Variants in UBE4A observed in about 807,000 individuals in gnomAD.
UBE4A encodes the protein ubiquitination factor E4A, also known as ubiquitin conjugation factor E4 A.
Under a neutral mutation model 117.9 loss-of-function variants are expected in UBE4A, and 48 were observed. The observed-to-expected ratio is 0.41, with a 90% CI of 0.32 to 0.52. UBE4A has a LOEUF of 0.52. Among genes scored for constraint, UBE4A ranks in the 20% least tolerant of loss-of-function variants. The probability of loss-of-function intolerance (pLI) is 0.33; values close to 1 mark genes in which losing one functional copy is unlikely to be tolerated. For synonymous variants in UBE4A, 407 were observed against 450.0 expected (o/e 0.90, Z 1.21); for missense variants, 1,067 against 1,296.3 (o/e 0.82, Z 2.72).
intron 10 of UBE4A, chr11:118,379,091 G>C (rs1173220336): frequency 3.8e-6 from 1 of 260,292 alleles, no homozygotes; most frequent in Admixed American, 5.0e-5. Context: ...CATTGCCCTT[G>C]TGTGATGTAA....
chr11:118,384,817 G>T lies in UBE4A; in HGVS notation c.2299-15G>T, dbSNP rs782513772. The T allele has an allele frequency of 9.3e-6, 15 of 1,612,592 alleles. No individual in the cohort carries two copies. In the African/African-American group the frequency reaches 1.9e-4, roughly 20 times the overall value. On this transcript the variant is annotated splice_polypyrimidine_tract_variant and intron_variant, in intron 14 of 19. Coordinates refer to ENST00000252108, the MANE Select transcript of UBE4A (RefSeq NM_001204077.2). Reference sequence around the variant, plus strand: ...TCAGTACTAAAATGGTTTTCTTGTGGGCTGGGACTTACAGGATTTGGCTGA... The same window carrying T: ...TCAGTACTAAAATGGTTTTCTTGTGTGCTGGGACTTACAGGATTTGGCTGA...
intron 2 of UBE4A, among the ~76,000 whole-genome samples, chr11:118,365,990 C>T (rs1367201286): frequency 6.6e-6 from 1 of 151,678 alleles, no homozygotes; most frequent in African/African-American, 2.4e-5. Flanking sequence ...CTCCTCTCTC[C>T]GAAAAGAATA....
At chr11:118,382,917 TGC>T in intron 13 of UBE4A, 141 bp downstream of exon 13, 1 of 704,330 alleles carries the variant, frequency 1.4e-6, no homozygotes, top group Non-Finnish European at 2.0e-6. Context: ...TGATGATAAG[TGC>T]TTTTTTTTTT....
At chr11:118,386,710 G>A in intron 16 of UBE4A, 98 bp downstream of exon 16, 1 of 1,305,974 alleles carries the variant, frequency 7.7e-7, no homozygotes, top group African/African-American at 1.5e-5. Context: ...TTCAGACCCT[G>A]GTGACAGTAT....
At chr11:118,377,622 T>C (rs1555125574) in intron 10 of UBE4A, among the ~76,000 whole-genome samples, 1 of 151,708 alleles carries the variant, frequency 6.6e-6, no homozygotes, top group African/African-American at 2.4e-5. Flanking sequence ...TCTTAAATTT[T>C]CATTACTGGC....
At chr11:118,389,300 T>C (rs782604269) in intron 16 of UBE4A, among the ~76,000 whole-genome samples, 2 of 152,246 alleles carry the variant, frequency 1.3e-5, no homozygotes, top group Non-Finnish European at 2.9e-5. Context: ...GGCCAGTGGC[T>C]ACTATGTTGG....
intron 16 of UBE4A, among the ~76,000 whole-genome samples, chr11:118,389,202 G>A (rs1948788555): frequency 1.3e-5 from 2 of 152,100 alleles, no homozygotes; most frequent in African/African-American, 4.8e-5. Flanking sequence ...TATAAATCTG[G>A]GCTGTCCAGA....
Position 118,375,057 on chromosome 11 carries a change from C to T in UBE4A, c.1278C>T (p.Phe426=). 1 of 1,614,126 alleles carries T rather than the reference C, an allele frequency of 6.2e-7. No homozygotes were observed. Among genetic ancestry groups the T allele is most frequent in the Non-Finnish European group, 8.5e-7 (1 of 1,180,018 alleles). Residue 426 remains phenylalanine (F), a synonymous_variant, in exon 9 of 20, where the codon TTC becomes TTT. Coordinates refer to ENST00000252108, the MANE Select transcript of UBE4A (RefSeq NM_001204077.2). The stretch of plus-strand genomic sequence containing the variant: ...CCAATCAGATGCCAGAAATCTTTTT[C>T]CAAATGTATGCCTCAGATGCTTTCT... ...IWANQMPEIF[F]QMYASDAFFL...
rs539253363 is a variant in UBE4A at position 118,398,701 on chromosome 11, CTT to C, written c.*2264_*2265del. 1.9e-4 allele frequency: 30 copies of C among 155,200 alleles called. No homozygotes were observed. The East Asian group carries it at 3.0e-3, about 16-fold the overall frequency. The allele number at this position is 155,200 out of a possible 1,614,324, so 9.6% of individuals were successfully genotyped here. On this transcript the variant is annotated 3_prime_UTR_variant, in exon 20 of 20. Coordinates refer to ENST00000252108, the MANE Select transcript of UBE4A (RefSeq NM_001204077.2). ...GGAGTATGATAGCAAAATGAAGACTCTTTTACTCAGCTCTGGTATTGCTCATA... is the reference window on the plus strand; with the variant it reads ...GGAGTATGATAGCAAAATGAAGACTCTTACTCAGCTCTGGTATTGCTCATA...
chr11:118,388,691 C>T (rs1269434985), intron 16 of UBE4A, among the ~76,000 whole-genome samples: 1 of 149,690 alleles, frequency 6.7e-6, no homozygotes, highest in Non-Finnish European at 1.5e-5. Context: ...GATGTATCCA[C>T]AATGAAGTTC....
intron 19 of UBE4A, among the ~76,000 whole-genome samples, chr11:118,395,286 G>A (rs1195309175): frequency 2.0e-5 from 3 of 148,796 alleles, no homozygotes; most frequent in Non-Finnish European, 3.0e-5. Context: ...CCAAGATCAC[G>A]CCACTGCAAC....
At chr11:118,383,720 A>G (rs1363723277) in intron 13 of UBE4A, among the ~76,000 whole-genome samples, 1 of 151,966 alleles carries the variant, frequency 6.6e-6, no homozygotes. Flanking sequence ...GTTGAAGACC[A>G]TTTTTTAAAG....
intron 19 of UBE4A, among the ~76,000 whole-genome samples, chr11:118,393,654 G>A (rs1036893105): frequency 1.3e-5 from 2 of 151,880 alleles, no homozygotes; most frequent in Non-Finnish European, 2.9e-5. Flanking sequence ...AGAGTGCAGT[G>A]GCGCGATCTC....
At position 118,392,858 on chromosome 11, in the gene UBE4A, A is replaced by G; in HGVS notation, c.3037A>G (p.Thr1013Ala). 6.2e-7 allele frequency: 1 copy of G among 1,614,104 alleles called. No individual in the cohort carries two copies. Among genetic ancestry groups the G allele is most frequent in the Non-Finnish European group, 8.5e-7 (1 of 1,180,008 alleles). The change falls in exon 19 of 20, where the codon ACT (threonine) becomes GCT (alanine). Residue 1013 changes from threonine (T) to alanine (A), a missense_variant. Physicochemically the swap from Thr to Ala is moderately conservative, Grantham distance 58 (BLOSUM62 0). Around this residue, in one of 3 missense-constraint regions of UBE4A, gnomAD observed 34 missense variants for 77.7 expected, o/e 0.44. Coordinates refer to ENST00000252108, the MANE Select transcript of UBE4A (RefSeq NM_001204077.2). ...TGTGGTGCTGCCATCTTCCAGAGTC[A>G]CTGTGGATAGATCCACCATTGCAAG... is the stretch of plus-strand genomic sequence containing the variant. ...DPVVLPSSRV[T>A]VDRSTIARHL...
At chr11:118,392,414 A>G (rs1948827671) in intron 18 of UBE4A, among the ~76,000 whole-genome samples, 1 of 152,208 alleles carries the variant, frequency 6.6e-6, no homozygotes, top group Admixed American at 6.5e-5. Flanking sequence ...CTTTTGAATT[A>G]TGGCATTTAC....
chr11:118,373,185 A>C lies in UBE4A; in HGVS notation c.821A>C (p.Asp274Ala). ...CCAGAAGTCATGATTCCAGTGTTTG[A>C]TATTTTATTGGGCCGAATAAAAGAT... ...TFPEVMIPVF[D>A]ILLGRIKDLE... The change falls in exon 7 of 20, where the codon GAT becomes GCT. Residue 274 changes from aspartate to alanine, a missense_variant. Coordinates refer to ENST00000252108, the MANE Select transcript of UBE4A (RefSeq NM_001204077.2). 2 of 1,613,958 alleles carry C rather than the reference A, an allele frequency of 1.2e-6. No individual in the cohort carries two copies. Among genetic ancestry groups the C allele is most frequent in the Non-Finnish European group, 1.7e-6 (2 of 1,179,996 alleles).
chr11:118,375,644 C>A (rs1009180139), intron 9 of UBE4A, among the ~76,000 whole-genome samples: 8 of 152,046 alleles, frequency 5.3e-5, no homozygotes, highest in African/African-American at 1.7e-4. Flanking sequence ...CAGGCGTGAG[C>A]CACCACGCCC....
At chr11:118,384,078 C>A (rs1416940291) in intron 13 of UBE4A, among the ~76,000 whole-genome samples, 2 of 152,138 alleles carry the variant, frequency 1.3e-5, no homozygotes, top group East Asian at 3.9e-4. Context: ...AAACGTAGGT[C>A]TTTTGACTCC....
intron 8 of UBE4A, among the ~76,000 whole-genome samples, chr11:118,374,683 C>T (rs1184226586): frequency 1.3e-5 from 2 of 152,158 alleles, no homozygotes; most frequent in Non-Finnish European, 2.9e-5. Context: ...GCTCTAATAC[C>T]GTGTAATGCC....
Sources: gnomAD v4.1 joint callset for allele counts (sites outside exome capture counted in the v4.1 genomes callset) on GRCh38, gnomAD v4.1.1 for gene constraint, gnomAD v4.1.1 regional missense constraint, MANE v1.5 for transcripts, NCBI Gene and HGNC (gene_info 2026-07-23, HGNC 2026-07-21) for gene names.